Variants in RGS8 observed in about 807,000 individuals in gnomAD.
RGS8 encodes regulator of G-protein signaling 8.
In RGS8, 8 loss-of-function variants were observed where a neutral mutation model predicts 21.7. That is an observed-to-expected ratio of 0.37 (90% CI 0.22 to 0.66). The LOEUF is 0.66. RGS8 is among the 30% of genes least tolerant of loss of function. The pLI, the probability that RGS8 is intolerant of heterozygous loss-of-function variation, is 0.59. For missense variants in RGS8, 157 were observed against 217.9 expected, an observed-to-expected ratio of 0.72 and a Z score of 1.76; for synonymous variants, 80 against 83.6, an observed-to-expected ratio of 0.96 and a Z score of 0.24.
chr1:182,745,079 A>T, the RGS8 span, among the ~76,000 whole-genome samples: 5 of 152,212 alleles, frequency 3.3e-5, no homozygotes, highest in Non-Finnish European at 7.3e-5. Flanking sequence ...TCTTTGCCAC[A>T]CCCTCTAGAT....
the RGS8 span, among the ~76,000 whole-genome samples, chr1:182,718,821 A>G: frequency 6.6e-6 from 1 of 152,242 alleles, no homozygotes; most frequent in African/African-American, 2.4e-5. Flanking sequence ...AAACTGGGTC[A>G]TCTTAAGAGC....
chr1:182,750,611 AG>A, the RGS8 span, among the ~76,000 whole-genome samples: 1 of 152,234 alleles, frequency 6.6e-6, no homozygotes, highest in African/African-American at 2.4e-5. Context: ...AACTGCAAAC[AG>A]ATAGCCACCA....
At chr1:182,652,336 C>G (rs941808468) in intron 5 of RGS8, among the ~76,000 whole-genome samples, 1 of 152,222 alleles carries the variant, frequency 6.6e-6, no homozygotes, top group Non-Finnish European at 1.5e-5. Context: ...CTGTCTGGCC[C>G]TGTGCTAGAT....
chr1:182,722,348 G>A, the RGS8 span, among the ~76,000 whole-genome samples: 1 of 119,726 alleles, frequency 8.4e-6, no homozygotes, highest in African/African-American at 3.4e-5. Flanking sequence ...TCTTGGGGCT[G>A]CCATAGCAAA....
At chr1:182,641,993 T>C (rs930705423), downstream of RGS8, 4 of 152,188 alleles carry the variant, frequency 2.6e-5, no homozygotes, top group Non-Finnish European at 5.9e-5. Flanking sequence ...ACTCAGCTAA[T>C]GCTACCGGGG....
At chr1:182,653,462 G>C (rs1435866147) in intron 5 of RGS8, among the ~76,000 whole-genome samples, 1 of 151,890 alleles carries the variant, frequency 6.6e-6, no homozygotes, top group African/African-American at 2.4e-5. Context: ...TTGGGAGGCC[G>C]AGGAGAGCAG....
At chr1:182,646,744 C>A (rs1400607668) in exon 7 of RGS8, 2 of 1,611,628 alleles carry the variant, frequency 1.2e-6, no homozygotes, top group South Asian at 1.1e-5. Context: ...TCTAACTGAG[C>A]CTCCTCTGGC....
chr1:182,730,646 G>A, the RGS8 span, among the ~76,000 whole-genome samples: 133 of 151,740 alleles, frequency 8.8e-4, 1 homozygote, highest in East Asian at 0.023. Flanking sequence ...GGAGACGGGG[G>A]TTGCAGTGAG....
intron 5 of RGS8, among the ~76,000 whole-genome samples, chr1:182,663,346 T>C (rs1240501206): frequency 6.6e-6 from 1 of 152,202 alleles, no homozygotes; most frequent in East Asian, 1.9e-4. Flanking sequence ...AGCTTGAAAT[T>C]CTACCAGTGA....
At chr1:182,688,127 TA>T (rs1664746420), upstream of RGS8, among the ~76,000 whole-genome samples, 2 of 152,344 alleles carry the variant, frequency 1.3e-5, no homozygotes, top group African/African-American at 4.8e-5. Flanking sequence ...GTTCTTAGGA[TA>T]AGAAGATCTG....
At chr1:182,677,900 T>C (rs975091073), upstream of RGS8, among the ~76,000 whole-genome samples, 1 of 152,224 alleles carries the variant, frequency 6.6e-6, no homozygotes, top group African/African-American at 2.4e-5. Context: ...GTTAGAGGAT[T>C]ACACAGTGCT....
the RGS8 span, among the ~76,000 whole-genome samples, chr1:182,741,676 C>T: frequency 8.6e-6 from 1 of 116,476 alleles, no homozygotes; most frequent in African/African-American, 3.0e-5. Context: ...GGCAGAGGGG[C>T]TCCTCACTTC....
the RGS8 span, chr1:182,712,755 T>TTATA: frequency 1.8e-3 from 279 of 152,312 alleles, 2 homozygotes; most frequent in African/African-American, 5.5e-3. Context: ...TATTGACAGT[T>TTATA]TATATTTCAA....
At chr1:182,749,638 G>A in the RGS8 span, among the ~76,000 whole-genome samples, 20 of 152,232 alleles carry the variant, frequency 1.3e-4, no homozygotes, top group African/African-American at 4.8e-4. Context: ...CATATCACTG[G>A]TATTTTCAAA....
At chr1:182,654,564 A>T (rs1469404114) in intron 5 of RGS8, among the ~76,000 whole-genome samples, 2 of 152,262 alleles carry the variant, frequency 1.3e-5, no homozygotes, top group African/African-American at 4.8e-5. Flanking sequence ...CATAGAATTT[A>T]GAGGCTAGTC....
chr1:182,669,516 A>T, intron 3 of RGS8, 108 bp downstream of exon 4: 1 of 1,510,904 alleles, frequency 6.6e-7, no homozygotes, highest in South Asian at 1.2e-5. Context: ...AAAGTAGACC[A>T]CGCATGGGCT....
downstream of RGS8, chr1:182,645,110 C>T (rs1454181010): frequency 1.3e-5 from 2 of 152,230 alleles, no homozygotes; most frequent in African/African-American, 4.8e-5. Flanking sequence ...TGGAGAGGAA[C>T]ACAAGCACTA....
intron 5 of RGS8, among the ~76,000 whole-genome samples, chr1:182,651,507 G>A (rs759132717): frequency 2.2e-4 from 33 of 152,296 alleles, no homozygotes; most frequent in Non-Finnish European, 4.3e-4. Context: ...AGATCCAAAT[G>A]CAAAATTTGA....
the RGS8 span, among the ~76,000 whole-genome samples, chr1:182,704,444 T>C: frequency 6.6e-5 from 10 of 152,142 alleles, no homozygotes; most frequent in African/African-American, 1.7e-4. Context: ...TGCATTACAC[T>C]ACCCCTAGAA....
Sources: gnomAD v4.1 joint callset for allele counts (sites outside exome capture counted in the v4.1 genomes callset) on GRCh38, gnomAD v4.1.1 for gene constraint, MANE v1.5 for transcripts, NCBI Gene and HGNC (gene_info 2026-07-23, HGNC 2026-07-21) for gene names.